CRYZL1: variants seen among roughly 807,000 people sequenced by gnomAD.
CRYZL1 encodes crystallin zeta like 1, also known as ferry endosomal RAB5 effector complex subunit 4.
In CRYZL1, 34 loss-of-function variants were observed where a neutral mutation model predicts 50.6. The observed-to-expected ratio is 0.67, with a 90% confidence interval of 0.51 to 0.89. The LOEUF is 0.89. Ranked by LOEUF, CRYZL1 falls within the 40% of genes least tolerant of loss-of-function variation. CRYZL1 has a pLI of 0.00. For synonymous variants in CRYZL1, 125 were observed against 134.3 expected (o/e 0.93, Z 0.48); for missense variants, 354 against 402.3 (o/e 0.88, Z 1.03).
chr21:33,590,543 T>C (rs2086633860), intron 12 of CRYZL1, among the ~76,000 whole-genome samples: 1 of 152,154 alleles, frequency 6.6e-6, no homozygotes, highest in East Asian at 1.9e-4. Flanking sequence ...AGCCTCCCAG[T>C]AGCTGGGATT....
intron 8 of CRYZL1, among the ~76,000 whole-genome samples, chr21:33,599,451 A>G (rs540623489): frequency 6.6e-6 from 1 of 152,360 alleles, no homozygotes; most frequent in South Asian, 2.1e-4. Context: ...ATAGCAGTCT[A>G]AATGAAGAGA....
Position 33,609,984 on chromosome 21 carries a change from G to A in CRYZL1, c.331+3554C>T, listed in dbSNP as rs1030579551. Among the ~76,000 whole-genome samples, 31 of 148,954 alleles carry A rather than the reference G, an allele frequency of 2.1e-4. 1 individual carries two copies. Among genetic ancestry groups the A allele is most frequent in the African/African-American group, 6.1e-4 (25 of 40,666 alleles). ...CTCCCAAAGTGCTGGGATTACAGGC[G>A]TGAGCCACCATGCCTAGCCTTTTTT... On this transcript the variant is annotated intron_variant, in intron 6 of 12. Coordinates refer to ENST00000381554, the MANE Select transcript of CRYZL1 (RefSeq NM_145858.3).
At chr21:33,601,783 G>A (rs984677860) in intron 8 of CRYZL1, among the ~76,000 whole-genome samples, 25 of 151,830 alleles carry the variant, frequency 1.6e-4, no homozygotes, top group Admixed American at 6.6e-4. Context: ...TGGGCGTGAT[G>A]GCATATGCCT....
At chr21:33,623,055 T>A (rs2087020666) in intron 3 of CRYZL1, among the ~76,000 whole-genome samples, 1 of 148,426 alleles carries the variant, frequency 6.7e-6, no homozygotes, top group Admixed American at 6.8e-5. Flanking sequence ...AACCTCCGCC[T>A]CCCAGGTTCA....
intron 6 of CRYZL1, among the ~76,000 whole-genome samples, 173 bp from the exon 7 acceptor site, chr21:33,603,710 G>C (rs1009938665): frequency 1.3e-5 from 2 of 151,990 alleles, no homozygotes; most frequent in African/African-American, 4.8e-5. Flanking sequence ...TCTCCATATA[G>C]GAGTCAGTGT....
chr21:33,608,417 T>C (rs919102441), intron 6 of CRYZL1, among the ~76,000 whole-genome samples: 1 of 152,200 alleles, frequency 6.6e-6, no homozygotes, highest in Non-Finnish European at 1.5e-5. Flanking sequence ...ATCACGCCAT[T>C]GCACTCCAGC....
At chr21:33,600,899 T>A (rs1487460433) in intron 8 of CRYZL1, among the ~76,000 whole-genome samples, 1 of 149,098 alleles carries the variant, frequency 6.7e-6, no homozygotes, top group Non-Finnish European at 1.5e-5. Context: ...AGTGCTGGGA[T>A]TATAGGTATG....
At position 33,599,675 on chromosome 21, in the gene CRYZL1, A is replaced by G. The variant is rs2086730412; in HGVS notation, c.578-427T>C. Among the ~76,000 whole-genome samples the G allele has an allele frequency of 3.3e-5, 5 of 151,224 alleles. 1 individual carries two copies. The highest frequency in any genetic ancestry group is 1.3e-4 in the Admixed American group (2 of 15,154). On this transcript the variant is annotated intron_variant, in intron 8 of 12. Transcript: ENST00000381554. ...CAGACAGGTTCTCACTCCATTGCCC[A>G]GAATGGAGTGCAGTGGTGTGATCAC...
chr21:33,641,448 G>A, intron 1 of CRYZL1: 1 of 1,090,958 alleles, frequency 9.2e-7, no homozygotes, highest in East Asian at 2.7e-5. Context: ...TGCAAACTGA[G>A]ATAAGACCTA....
chr21:33,600,771 G>A (rs1183608248), intron 8 of CRYZL1, among the ~76,000 whole-genome samples: 1 of 150,352 alleles, frequency 6.7e-6, no homozygotes, highest in Non-Finnish European at 1.5e-5. Flanking sequence ...GACTACAGGT[G>A]CCCGCCACCA....
At chr21:33,627,546 C>T (rs1248364685) in intron 2 of CRYZL1, among the ~76,000 whole-genome samples, 35 of 152,088 alleles carry the variant, frequency 2.3e-4, no homozygotes, top group Admixed American at 2.3e-3. Flanking sequence ...TGGCTTGCCA[C>T]AAATCTTTCT....
chr21:33,602,201 T>C (rs369930438), intron 8 of CRYZL1, 33 bp downstream of exon 8: 1 of 1,149,562 alleles, frequency 8.7e-7, no homozygotes, highest in South Asian at 1.3e-5. Flanking sequence ...CAAAATTTCC[T>C]GTTTTAAAGT....
At chr21:33,603,618 AG>A in intron 6 of CRYZL1, 81 bp from the exon 7 acceptor site, 3 of 1,521,888 alleles carry the variant, frequency 2.0e-6, no homozygotes, top group Non-Finnish European at 2.7e-6. Context: ...CTCCATCTCT[AG>A]TACTACTATG....
At chr21:33,619,079 A>G (rs2086967132) in intron 4 of CRYZL1, among the ~76,000 whole-genome samples, 1 of 152,190 alleles carries the variant, frequency 6.6e-6, no homozygotes, top group Admixed American at 6.5e-5. Flanking sequence ...TGAACTCAGT[A>G]AGTATAAATC....
intron 2 of CRYZL1, among the ~76,000 whole-genome samples, chr21:33,630,850 G>C (rs1282129135): frequency 6.6e-6 from 1 of 152,212 alleles, no homozygotes; most frequent in African/African-American, 2.4e-5. Context: ...TGAAAATGTG[G>C]ATGAATCTTG....
intron 6 of CRYZL1, among the ~76,000 whole-genome samples, chr21:33,604,355 CAAAAAAAAAAA>C (rs71194858): frequency 1.4e-5 from 1 of 69,622 alleles, no homozygotes; most frequent in Non-Finnish European, 2.5e-5. Context: ...GACTCCGTCT[CAAAAAAAAAAA>C]AAAAAAAAAA....
intron 8 of CRYZL1, among the ~76,000 whole-genome samples, chr21:33,600,890 G>A (rs374516883): frequency 2.0e-5 from 3 of 147,162 alleles, no homozygotes; most frequent in African/African-American, 7.5e-5. Flanking sequence ...GCCTCCCAAA[G>A]TGCTGGGATT....
At chr21:33,634,793 A>G (rs766173916) in intron 1 of CRYZL1, among the ~76,000 whole-genome samples, 14 of 151,602 alleles carry the variant, frequency 9.2e-5, no homozygotes, top group Non-Finnish European at 1.5e-4. Context: ...AGTCACATGG[A>G]CCTTAGACTG....
intron 6 of CRYZL1, among the ~76,000 whole-genome samples, chr21:33,611,394 AATAAT>A (rs1214200411): frequency 6.6e-6 from 1 of 152,198 alleles, no homozygotes; most frequent in Non-Finnish European, 1.5e-5. Context: ...TTTTTAATAA[AATAAT>A]AAAGTATTAT....
Sources: allele counts gnomAD v4.1 joint callset (sites outside exome capture counted in the v4.1 genomes callset), GRCh38; gene constraint gnomAD v4.1.1; transcripts MANE v1.5; gene names NCBI Gene and HGNC (gene_info 2026-07-23, HGNC 2026-07-21).